ATAD2B: variants seen among roughly 807,000 people sequenced by gnomAD.
ATAD2B encodes the protein ATPase family AAA domain-containing protein 2B.
ATAD2B carries 40 observed loss-of-function variants against 167.6 expected under a neutral mutation model. The observed-to-expected ratio is 0.24, with a 90% confidence interval of 0.19 to 0.31. The LOEUF is 0.31. ATAD2B is among the 10% of genes least tolerant of loss of function. The probability of loss-of-function intolerance (pLI) is 1.00; values close to 1 mark genes in which losing one functional copy is unlikely to be tolerated. For missense variants in ATAD2B, 1,242 were observed against 1,757.2 expected (o/e 0.71, Z 5.24); for synonymous variants, 579 against 596.5 (o/e 0.97, Z 0.43).
At chr2:23,891,065 G>T (rs1239327817) in intron 2 of ATAD2B, among the ~76,000 whole-genome samples, 3 of 149,150 alleles carry the variant, frequency 2.0e-5, no homozygotes, top group Non-Finnish European at 4.4e-5. Context: ...CAGCCACCCA[G>T]GCTGGAGTGC....
the ATAD2B span, among the ~76,000 whole-genome samples, chr2:23,698,638 A>G: frequency 4.6e-5 from 7 of 152,210 alleles, no homozygotes; most frequent in African/African-American, 1.7e-4. Context: ...CAACAGCACA[A>G]TAGACAAACC....
At chr2:23,907,741 T>C (rs551079914) in intron 1 of ATAD2B, among the ~76,000 whole-genome samples, 6 of 152,046 alleles carry the variant, frequency 3.9e-5, no homozygotes, top group Admixed American at 2.6e-4. Context: ...TCAAACTGTA[T>C]TACAAGGCTA....
At chr2:23,822,108 T>A (rs749304368) in intron 16 of ATAD2B, among the ~76,000 whole-genome samples, 4 of 152,202 alleles carry the variant, frequency 2.6e-5, no homozygotes, top group African/African-American at 4.8e-5. Flanking sequence ...CACTGCAGAG[T>A]GTCCTACCAA....
At chr2:23,920,146 G>T (rs1405697223) in intron 1 of ATAD2B, among the ~76,000 whole-genome samples, 1 of 105,770 alleles carries the variant, frequency 9.5e-6, no homozygotes, top group Non-Finnish European at 1.9e-5. Flanking sequence ...GAGAGACTCT[G>T]CCTCAAAAAA....
chr2:23,798,701 G>A (rs1263224489), intron 18 of ATAD2B, among the ~76,000 whole-genome samples: 1 of 152,078 alleles, frequency 6.6e-6, no homozygotes, highest in Non-Finnish European at 1.5e-5. Flanking sequence ...GCACTCATGT[G>A]ATATCAGTAA....
At chr2:23,858,860 G>T (rs1693876780) in intron 12 of ATAD2B, among the ~76,000 whole-genome samples, 1 of 152,048 alleles carries the variant, frequency 6.6e-6, no homozygotes, top group Admixed American at 6.6e-5. Flanking sequence ...CCTTCTTATG[G>T]ATACTTAGGC....
At position 23,879,760 on chromosome 2, in the gene ATAD2B, G is replaced by A. The variant is rs72851385; in HGVS notation, c.901+879C>T. Among the ~76,000 whole-genome samples, 780 of 152,226 alleles carry A rather than the reference G, an allele frequency of 5.1e-3. 6 individuals are homozygous for A. The highest frequency in any genetic ancestry group is 0.018 in the African/African-American group (743 of 41,552). ...GTCACTTAACCTCTTGGACCATAAA[G>A]ATACTCTCCCTAGGCCGTGCACAGT... On this transcript the variant is annotated intron_variant, in intron 7 of 27. Transcript: ENST00000238789.
intron 17 of ATAD2B, among the ~76,000 whole-genome samples, chr2:23,819,146 T>C (rs80020296): frequency 0.025 from 3,876 of 152,236 alleles, 61 homozygotes; most frequent in Non-Finnish European, 0.04. Context: ...GTTGACTTTC[T>C]AAGGGTAAGC....
intron 17 of ATAD2B, 81 bp from the exon 18 acceptor site, chr2:23,810,583 T>G: frequency 9.2e-7 from 1 of 1,083,210 alleles, no homozygotes; most frequent in Non-Finnish European, 1.3e-6. Flanking sequence ...AATTTTTACA[T>G]TAAAACAATT....
the ATAD2B span, among the ~76,000 whole-genome samples, chr2:23,738,097 A>AACAC: frequency 1.3e-5 from 2 of 152,228 alleles, no homozygotes; most frequent in East Asian, 3.8e-4. Flanking sequence ...AGTGACGGGG[A>AACAC]GAATGGAACC....
intron 15 of ATAD2B, among the ~76,000 whole-genome samples, chr2:23,825,109 A>ATTTT (rs70941593): frequency 4.1e-4 from 46 of 111,478 alleles, no homozygotes; most frequent in Admixed American, 7.5e-4. Context: ...CATCAGGCTA[A>ATTTT]TTTTTTTTTT....
At chr2:23,744,134 G>A (rs558962332), downstream of ATAD2B, among the ~76,000 whole-genome samples, 48 of 152,268 alleles carry the variant, frequency 3.2e-4, no homozygotes, top group African/African-American at 1.0e-3. Context: ...GAAACGTGTG[G>A]TGAGGGCAGA....
rs1394369666 is a variant in ATAD2B at position 23,762,356 on chromosome 2, G to A, written c.3257-10C>T. On this transcript the variant is annotated splice_polypyrimidine_tract_variant and intron_variant, in intron 23 of 27. Coordinates refer to ENST00000238789, the MANE Select transcript of ATAD2B (RefSeq NM_017552.4). The stretch of plus-strand genomic sequence containing the variant: ...GATGTTACTGATAAGCCTGCAAGCA[G>A]AAGATAAGCAATACCTCTTTAAATA... 2.5e-6 allele frequency: 4 copies of A among 1,608,986 alleles called. No individual in the cohort carries two copies. The highest frequency in any genetic ancestry group is 3.4e-6 in the Non-Finnish European group (4 of 1,177,968).
chr2:23,785,980 C>T, intron 21 of ATAD2B, 47 bp downstream of exon 21: 14 of 1,467,034 alleles, frequency 9.5e-6, no homozygotes, highest in Admixed American at 2.4e-5. Context: ...ATATTTTTTT[C>T]TTTTAGCCAG....
chr2:23,833,639 T>C (rs779654119), intron 14 of ATAD2B, among the ~76,000 whole-genome samples: 16 of 152,344 alleles, frequency 1.1e-4, no homozygotes, highest in Non-Finnish European at 2.4e-4. Flanking sequence ...GAAACTGCCA[T>C]ACAGGACAAT....
intron 22 of ATAD2B, among the ~76,000 whole-genome samples, chr2:23,779,073 C>T (rs562432087): frequency 6.6e-6 from 1 of 152,158 alleles, no homozygotes; most frequent in African/African-American, 2.4e-5. Context: ...CATCCTGTTA[C>T]AGGATGGCAT....
At chr2:23,762,866 T>C (rs1676922868) in intron 23 of ATAD2B, among the ~76,000 whole-genome samples, 1 of 152,226 alleles carries the variant, frequency 6.6e-6, no homozygotes, top group African/African-American at 2.4e-5. Flanking sequence ...TATGTGGTCC[T>C]TAAGTTGGTT....
the ATAD2B span, chr2:23,688,852 G>A: frequency 6.6e-6 from 1 of 152,320 alleles, no homozygotes; most frequent in East Asian, 1.9e-4. Context: ...GAAATGGCTT[G>A]GGGCAGGGAC....
intron 19 of ATAD2B, among the ~76,000 whole-genome samples, chr2:23,789,059 T>C (rs888479996): frequency 1.3e-5 from 2 of 151,402 alleles, no homozygotes; most frequent in African/African-American, 4.9e-5. Context: ...GTACTCCCTA[T>C]CCATTGACTT....
Sources: allele counts gnomAD v4.1 joint callset (sites outside exome capture counted in the v4.1 genomes callset), GRCh38; gene constraint gnomAD v4.1.1; transcripts MANE v1.5; gene names NCBI Gene and HGNC (gene_info 2026-07-23, HGNC 2026-07-21).